Variants in ELF4 observed in about 807,000 individuals in gnomAD.
The protein encoded by ELF4 is ETS-related transcription factor Elf-4.
In ELF4, 10 loss-of-function variants were observed where a neutral mutation model predicts 31.7. That is an observed-to-expected ratio of 0.32 (90% CI 0.19 to 0.54). The LOEUF (loss-of-function observed/expected upper bound fraction) is 0.54, where lower values mean the gene tolerates loss of function less well. Among genes scored for constraint, ELF4 ranks in the 20% least tolerant of loss-of-function variants. The pLI, the probability that ELF4 is intolerant of heterozygous loss-of-function variation, is 0.95. For synonymous variants in ELF4, 208 were observed against 226.7 expected (o/e 0.92, Z 0.74); for missense variants, 418 against 522.0 (o/e 0.80, Z 1.94).
intron 1 of ELF4, 53 bp from the exon 2 acceptor site, chrX:130,081,592 T>A (rs1240337670): frequency 9.7e-6 from 4 of 412,159 alleles, no homozygotes; most frequent in Non-Finnish European, 1.7e-5. Context: ...CCTTGAGCTC[T>A]GTTGCCAGAA....
chrX:130,069,223 CAAAAA>C, intron 8 of ELF4, 72 bp downstream of exon 8: 1 of 1,027,946 alleles, frequency 9.7e-7, no homozygotes, highest in Admixed American at 2.6e-5. Flanking sequence ...GACTCCATCT[CAAAAA>C]AAAAAAAAAA....
chrX:130,084,250 A>G (rs1932930109), intron 1 of ELF4, among the ~76,000 whole-genome samples: 1 of 112,281 alleles, frequency 8.9e-6, no homozygotes. Flanking sequence ...TGAGAATGAC[A>G]AACCTGAGCT....
chrX:130,079,723 G>A (rs776315436), intron 2 of ELF4, among the ~76,000 whole-genome samples: 43 of 111,493 alleles, frequency 3.9e-4, no homozygotes, highest in Non-Finnish European at 7.3e-4. Context: ...TCCGCTGAGG[G>A]TGGAGGGATA....
intron 2 of ELF4, among the ~76,000 whole-genome samples, chrX:130,076,812 G>A (rs1932839144): frequency 9.0e-6 from 1 of 111,532 alleles, no homozygotes; most frequent in African/African-American, 3.3e-5. Flanking sequence ...TTTCTTTCAT[G>A]GGAATGTTAA....
chrX:130,071,223 A>T lies in ELF4; in HGVS notation c.626T>A (p.Ile209Asn). The T allele has an allele frequency of 8.3e-7, 1 of 1,211,227 alleles. No individual in the cohort carries two copies. Among genetic ancestry groups the T allele is most frequent in the Non-Finnish European group, 1.1e-6 (1 of 895,458 alleles). ...KKSKDGKGSTIYLWEFLLALL... is the reference protein window; with the variant it reads ...KKSKDGKGSTNYLWEFLLALL... ...AGCCAGGAGGAACTCCCACAGATAG[A>T]TGGTGCTGCCTGCAGAGGGGCAGGC... is the stretch of plus-strand genomic sequence containing the variant. Residue 209 changes from isoleucine to asparagine, a missense_variant, in exon 7 of 9, where the codon ATC becomes AAC. This residue lies in a region of ELF4 where 88 missense variants were observed against 92.4 expected (regional missense o/e 0.95). Coordinates refer to ENST00000308167, the MANE Select transcript of ELF4 (RefSeq NM_001421.4).
intron 1 of ELF4, among the ~76,000 whole-genome samples, chrX:130,085,152 G>A (rs919581376): frequency 8.9e-6 from 1 of 112,000 alleles, no homozygotes; most frequent in African/African-American, 3.2e-5. Context: ...CAGTCCCCTC[G>A]CAGGGTGGCA....
chrX:130,075,363 G>A (rs1163647546), intron 2 of ELF4, among the ~76,000 whole-genome samples: 1 of 107,306 alleles, frequency 9.3e-6, no homozygotes, highest in East Asian at 2.9e-4. Flanking sequence ...TGCAAACTCC[G>A]CCTCCTGGGT....
intron 2 of ELF4, among the ~76,000 whole-genome samples, chrX:130,076,374 T>A (rs998787240): frequency 1.2e-4 from 13 of 111,130 alleles, no homozygotes; most frequent in Non-Finnish European, 2.1e-4. Context: ...TAAAAAAAAA[T>A]TAAAAAGAAA....
chrX:130,110,442 C>T lies in ELF4; in HGVS notation c.-327G>A, dbSNP rs1327026104. The T allele has an allele frequency of 9.0e-6, 1 of 111,178 alleles. No individual in the cohort carries two copies. Among genetic ancestry groups the T allele is most frequent in the Non-Finnish European group, 1.9e-5 (1 of 52,532 alleles). The allele number at this position is 111,178 out of a possible 1,213,427, so 9.2% of individuals were successfully genotyped here. On this transcript the variant is annotated 5_prime_UTR_variant, in exon 1 of 9. Transcript: ENST00000308167. The stretch of plus-strand genomic sequence containing the variant: ...GCCCCGCCAGCCCGTCCTCTCCCCT[C>T]GGAAGCCGGGCCGGGCGAGCGGCGC...
In ELF4 at chrX:130,070,315, G is replaced by A. The variant is rs765289763; in HGVS notation, c.810-638C>T. On this transcript the variant is annotated intron_variant, in intron 7 of 8. Coordinates refer to ENST00000308167, the MANE Select transcript of ELF4 (RefSeq NM_001421.4). ...AGGCCAGGCGCCGTGACTCACGCCT[G>A]TAATCCCAGTGCTTTGGGAGGCCGA... Among the ~76,000 whole-genome samples the A allele has an allele frequency of 7.2e-5, 8 of 111,551 alleles. No individual in the cohort carries two copies. In the South Asian group the frequency reaches 3.0e-3, roughly 41 times the overall value.
chrX:130,073,700 T>C lies in ELF4; in HGVS notation c.340+349A>G, dbSNP rs188707657. On this transcript the variant is annotated intron_variant, in intron 4 of 8. Coordinates refer to ENST00000308167, the MANE Select transcript of ELF4 (RefSeq NM_001421.4). ...CAAGTTTTTATATTTTTAGTAAAGATGGGGTTTCACCGTGTTGGTCAGGCT... is the reference window on the plus strand; with the variant it reads ...CAAGTTTTTATATTTTTAGTAAAGACGGGGTTTCACCGTGTTGGTCAGGCT... 5.6e-4 allele frequency among the ~76,000 whole-genome samples: 62 copies of C among 110,927 alleles called. No individual in the cohort carries two copies. The East Asian group carries it at 0.018, about 32-fold the overall frequency.
intron 7 of ELF4, 49 bp from the exon 8 acceptor site, chrX:130,069,726 G>A (rs944219440): frequency 8.3e-7 from 1 of 1,203,293 alleles, no homozygotes; most frequent in Non-Finnish European, 1.1e-6. Context: ...AGCTGGGTGG[G>A]AGACCTTCTA....
intron 1 of ELF4, among the ~76,000 whole-genome samples, chrX:130,087,781 A>G (rs898167413): frequency 1.8e-5 from 2 of 112,158 alleles, no homozygotes; most frequent in Non-Finnish European, 3.8e-5. Context: ...GTGTTTTCCA[A>G]TTCCCTGGTC....
intron 1 of ELF4, among the ~76,000 whole-genome samples, chrX:130,092,303 TC>T (rs1247073455): frequency 8.8e-6 from 1 of 113,125 alleles, no homozygotes; most frequent in Non-Finnish European, 1.9e-5. Context: ...AGTTTCCCCT[TC>T]GGGGCCTGCT....
chrX:130,102,853 T>TGAGA (rs748191970), intron 1 of ELF4, among the ~76,000 whole-genome samples: 73 of 58,483 alleles, frequency 1.2e-3, no homozygotes, highest in Non-Finnish European at 1.8e-3. Flanking sequence ...AAGATAAAGA[T>TGAGA]GAGAGAGAGA....
intron 4 of ELF4, among the ~76,000 whole-genome samples, chrX:130,073,521 A>T (rs1481133552): frequency 1.8e-5 from 2 of 110,088 alleles, no homozygotes; most frequent in African/African-American, 3.3e-5. Flanking sequence ...AATTATTATT[A>T]TTTTTTTGAG....
chrX:130,097,448 G>T lies in ELF4; in HGVS notation c.-210+12877C>A, dbSNP rs147058239. ...CAAGACTGTCTCAAAAAAAAGAAAA[G>T]AAAAGAAAAAGAAAAAGAAAGGAAA... On this transcript the variant is annotated intron_variant, in intron 1 of 8. Coordinates refer to ENST00000308167, the MANE Select transcript of ELF4 (RefSeq NM_001421.4). 2.5e-3 allele frequency among the ~76,000 whole-genome samples: 281 copies of T among 110,595 alleles called. 1 individual carries two copies. Among genetic ancestry groups the T allele is most frequent in the African/African-American group, 8.8e-3 (269 of 30,485 alleles).
intron 1 of ELF4, among the ~76,000 whole-genome samples, chrX:130,084,180 C>T (rs982274883): frequency 2.7e-5 from 3 of 112,352 alleles, no homozygotes; most frequent in African/African-American, 9.7e-5. Flanking sequence ...CCTGGTCTGG[C>T]CAGCAAAGCC....
upstream of ELF4, among the ~76,000 whole-genome samples, chrX:130,111,138 C>T (rs747869560): frequency 4.9e-4 from 53 of 108,902 alleles, no homozygotes; most frequent in African/African-American, 1.7e-3. Flanking sequence ...TCTCATTCCC[C>T]TCGCGGCTCG....
Sources: gnomAD v4.1 joint callset for allele counts (sites outside exome capture counted in the v4.1 genomes callset) on GRCh38, gnomAD v4.1.1 for gene constraint, gnomAD v4.1.1 regional missense constraint, MANE v1.5 for transcripts, NCBI Gene and HGNC (gene_info 2026-07-23, HGNC 2026-07-21) for gene names.